CTNNA2: variants seen among roughly 807,000 people sequenced by gnomAD.
CTNNA2 encodes the protein catenin alpha-2.
CTNNA2 carries 42 observed loss-of-function variants against 101.0 expected under a neutral mutation model. The observed-to-expected ratio is 0.42, with a 90% CI of 0.32 to 0.54. CTNNA2 has a LOEUF of 0.54. CTNNA2 is among the 20% of genes least tolerant of loss of function. The pLI, the probability that CTNNA2 is intolerant of heterozygous loss-of-function variation, is 0.14. For missense variants in CTNNA2, 871 were observed against 1,223.1 expected (o/e 0.71, Z 4.29); for synonymous variants, 450 against 456.4 (o/e 0.99, Z 0.18).
intron 3 of CTNNA2, among the ~76,000 whole-genome samples, chr2:79,779,732 A>G (rs1404012414): frequency 2.6e-5 from 4 of 152,158 alleles, no homozygotes; most frequent in Admixed American, 2.0e-4. Context: ...TGACAGTCAC[A>G]CAGAGAGGAG....
intron 3 of CTNNA2, among the ~76,000 whole-genome samples, chr2:79,853,094 C>T (rs1283889674): frequency 6.6e-6 from 1 of 151,650 alleles, no homozygotes; most frequent in Non-Finnish European, 1.5e-5. Flanking sequence ...TCTTGAACTC[C>T]TGACCTCAAG....
intron 9 of CTNNA2, among the ~76,000 whole-genome samples, chr2:80,501,199 C>T (rs1174304370): frequency 6.6e-6 from 1 of 152,210 alleles, no homozygotes; most frequent in Non-Finnish European, 1.5e-5. Flanking sequence ...ATCCCTTATA[C>T]ACTTGATTGC....
intron 9 of CTNNA2, among the ~76,000 whole-genome samples, chr2:80,506,828 C>T (rs1163759204): frequency 1.3e-5 from 2 of 152,158 alleles, no homozygotes; most frequent in African/African-American, 4.8e-5. Context: ...AGGAATAGAG[C>T]ATGCCACTTA....
chr2:80,011,708 A>G (rs1166820869), intron 7 of CTNNA2, among the ~76,000 whole-genome samples: 1 of 152,204 alleles, frequency 6.6e-6, no homozygotes, highest in Non-Finnish European at 1.5e-5. Context: ...TGTTACCTAC[A>G]TATAAGCAAT....
intron 7 of CTNNA2, among the ~76,000 whole-genome samples, chr2:79,923,055 C>T (rs909764084): frequency 6.6e-6 from 1 of 152,114 alleles, no homozygotes; most frequent in African/African-American, 2.4e-5. Context: ...CAGATCCTAG[C>T]AGAACCCTGC....
At chr2:80,392,701 G>C (rs527300300) in intron 7 of CTNNA2, among the ~76,000 whole-genome samples, 3 of 152,134 alleles carry the variant, frequency 2.0e-5, no homozygotes, top group Admixed American at 2.0e-4. Context: ...TAGCAATACT[G>C]TATTTTCTAG....
chr2:80,413,470 A>G (rs1679770704), intron 8 of CTNNA2, among the ~76,000 whole-genome samples: 1 of 152,196 alleles, frequency 6.6e-6, no homozygotes, highest in African/African-American at 2.4e-5. Context: ...CTTTATAGAT[A>G]TGCCTCTCCT....
chr2:79,302,379 T>C (rs1455081919), intron 2 of CTNNA2, among the ~76,000 whole-genome samples: 2 of 152,144 alleles, frequency 1.3e-5, no homozygotes, highest in Non-Finnish European at 2.9e-5. Flanking sequence ...CTAGACCAGC[T>C]CTGTTCACTT....
intron 7 of CTNNA2, among the ~76,000 whole-genome samples, chr2:80,193,142 T>C (rs982323281): frequency 1.3e-5 from 2 of 152,236 alleles, no homozygotes; most frequent in African/African-American, 4.8e-5. Context: ...CTTTATCTTA[T>C]AAACCTTAGT....
At chr2:80,627,068 T>C (rs1266591736) in intron 18 of CTNNA2, among the ~76,000 whole-genome samples, 1 of 152,222 alleles carries the variant, frequency 6.6e-6, no homozygotes, top group African/African-American at 2.4e-5. Context: ...GGCTGCATAG[T>C]ATTCCATGGT....
intron 7 of CTNNA2, among the ~76,000 whole-genome samples, chr2:80,300,893 T>G (rs941444014): frequency 6.6e-6 from 1 of 150,460 alleles, no homozygotes; most frequent in Non-Finnish European, 1.5e-5. Context: ...GAAATCTCAA[T>G]GATGGACCTG....
chr2:80,575,821 T>TC (rs1694993728), intron 13 of CTNNA2, among the ~76,000 whole-genome samples: 2 of 152,302 alleles, frequency 1.3e-5, no homozygotes, highest in Admixed American at 1.3e-4. Context: ...AAATGTCGTA[T>TC]CTTTGTCACA....
chr2:79,975,275 C>A (rs1346756416), intron 7 of CTNNA2, among the ~76,000 whole-genome samples: 1 of 152,120 alleles, frequency 6.6e-6, no homozygotes, highest in African/African-American at 2.4e-5. Context: ...GTCATCAAAT[C>A]ATTGTTCACC....
At chr2:79,786,535 CAGAAGA>C (rs1480246059) in intron 3 of CTNNA2, among the ~76,000 whole-genome samples, 1 of 151,430 alleles carries the variant, frequency 6.6e-6, no homozygotes, top group Non-Finnish European at 1.5e-5. Flanking sequence ...GCATTCTTTC[CAGAAGA>C]GTGGGCAGAG....
intron 2 of CTNNA2, among the ~76,000 whole-genome samples, chr2:79,742,110 C>G (rs901079740): frequency 6.6e-5 from 10 of 152,154 alleles, no homozygotes; most frequent in East Asian, 1.9e-4. Flanking sequence ...TCTTCCCCCC[C>G]ACAAAACTGA....
chr2:80,597,041 A>C lies in CTNNA2; in HGVS notation c.2190-7033A>C, dbSNP rs117549092. 1.9e-4 allele frequency among the ~76,000 whole-genome samples: 29 copies of C among 152,272 alleles called. No individual in the cohort carries two copies. The East Asian group carries it at 5.6e-3, about 29-fold the overall frequency. On this transcript the variant is annotated intron_variant, in intron 15 of 18. Transcript: ENST00000402739. Reference sequence around the variant, plus strand: ...TTTGCCTGTGTTGAACCAACCTTGCATCCCAGGGATGAACTCAACTTGATC... The same window carrying C: ...TTTGCCTGTGTTGAACCAACCTTGCCTCCCAGGGATGAACTCAACTTGATC...
intron 3 of CTNNA2, chr2:79,339,475 A>T (rs1677080912): frequency 6.6e-6 from 1 of 152,208 alleles, no homozygotes; most frequent in South Asian, 2.1e-4. Flanking sequence ...TCCAGCCAAA[A>T]GTCAAAGTGA....
At chr2:79,397,857 C>T (rs1467012810) in intron 4 of CTNNA2, among the ~76,000 whole-genome samples, 1 of 151,968 alleles carries the variant, frequency 6.6e-6, no homozygotes. Context: ...GACAGTGTCT[C>T]ATTACGTTTC....
rs114103510 is a variant in CTNNA2 at position 79,815,171 on chromosome 2, G to A, written c.299-42842G>A. 5.3e-3 allele frequency among the ~76,000 whole-genome samples: 800 copies of A among 152,148 alleles called. 9 individuals carry two copies. The highest frequency in any genetic ancestry group is 0.026 in the East Asian group (133 of 5,182). ...AGTCTGTTGTAGATTTTGGATATTCGTTCTTTGTCAGATGTATAGATTGTG... is the reference window on the plus strand; with the variant it reads ...AGTCTGTTGTAGATTTTGGATATTCATTCTTTGTCAGATGTATAGATTGTG... On this transcript the variant is annotated intron_variant, in intron 3 of 18. Coordinates refer to ENST00000402739, the MANE Select transcript of CTNNA2 (RefSeq NM_001282597.3).
Sources: allele counts gnomAD v4.1 joint callset (sites outside exome capture counted in the v4.1 genomes callset), GRCh38; gene constraint gnomAD v4.1.1; transcripts MANE v1.5; gene names NCBI Gene and HGNC (gene_info 2026-07-23, HGNC 2026-07-21).